Variants in CNTN5 observed in about 807,000 individuals in gnomAD.
CNTN5 encodes contactin 5.
A neutral mutation model predicts 129.1 loss-of-function variants in CNTN5; 77 were observed. The ratio of observed to expected loss-of-function variants is 0.60; its 90% CI spans 0.50 to 0.72. CNTN5 has a LOEUF of 0.72. Among genes scored for constraint, CNTN5 ranks in the 30% least tolerant of loss-of-function variants. The probability of loss-of-function intolerance (pLI) is 0.00; values close to 1 mark genes in which losing one functional copy is unlikely to be tolerated. For synonymous variants in CNTN5, 509 were observed against 465.6 expected (o/e 1.09, Z -1.20); for missense variants, 1,478 against 1,328.8 (o/e 1.11, Z -1.75).
intron 1 of CNTN5, among the ~76,000 whole-genome samples, chr11:99,200,962 CA>C (rs1245199877): frequency 6.7e-6 from 1 of 148,844 alleles, no homozygotes; most frequent in African/African-American, 2.5e-5. Flanking sequence ...ACAACAGCAA[CA>C]AAAAAGTCTA....
intron 6 of CNTN5, among the ~76,000 whole-genome samples, chr11:99,848,473 T>A (rs1300112881): frequency 6.6e-6 from 1 of 152,128 alleles, no homozygotes; most frequent in African/African-American, 2.4e-5. Context: ...TTAATATATT[T>A]AATCGACTGA....
chr11:99,757,881 A>G (rs1944454326), intron 3 of CNTN5, among the ~76,000 whole-genome samples: 1 of 152,076 alleles, frequency 6.6e-6, no homozygotes, highest in African/African-American at 2.4e-5. Flanking sequence ...TTTGTGAATT[A>G]ACCAGAAAGT....
intron 2 of CNTN5, among the ~76,000 whole-genome samples, chr11:99,450,892 G>A (rs1036094585): frequency 2.0e-5 from 3 of 150,854 alleles, no homozygotes; most frequent in Admixed American, 6.7e-5. Flanking sequence ...ACAGAATCTG[G>A]GAATAATGAA....
At chr11:99,198,443 G>T (rs1486695779) in intron 1 of CNTN5, among the ~76,000 whole-genome samples, 1 of 152,110 alleles carries the variant, frequency 6.6e-6, no homozygotes, top group Non-Finnish European at 1.5e-5. Context: ...TGGGGCCAAA[G>T]TTCCAAATGA....
chr11:99,320,902 C>G (rs528937200), intron 1 of CNTN5, among the ~76,000 whole-genome samples: 1 of 152,122 alleles, frequency 6.6e-6, no homozygotes, highest in African/African-American at 2.4e-5. Flanking sequence ...AAGTAGATGG[C>G]TCTCCCTAGT....
At chr11:100,085,134 C>T (rs1944499315) in intron 13 of CNTN5, among the ~76,000 whole-genome samples, 1 of 151,898 alleles carries the variant, frequency 6.6e-6, no homozygotes, top group Admixed American at 6.6e-5. Flanking sequence ...ACGTGGTAAC[C>T]AGTGAGAAAT....
chr11:99,252,929 G>A (rs1862185700), intron 1 of CNTN5, among the ~76,000 whole-genome samples: 1 of 147,638 alleles, frequency 6.8e-6, no homozygotes, highest in Non-Finnish European at 1.5e-5. Flanking sequence ...TTCTTATTAT[G>A]ATGCTATAGC....
At chr11:100,079,215 C>T (rs1944264779) in intron 13 of CNTN5, among the ~76,000 whole-genome samples, 2 of 152,104 alleles carry the variant, frequency 1.3e-5, no homozygotes, top group South Asian at 4.1e-4. Flanking sequence ...GACACAAAGC[C>T]TAACCGTATT....
intron 1 of CNTN5, among the ~76,000 whole-genome samples, chr11:99,206,615 CA>C (rs201966958): frequency 0.015 from 2,155 of 147,902 alleles, 40 homozygotes; most frequent in African/African-American, 0.049. Flanking sequence ...AGTTCTTACC[CA>C]CTTACTACTA....
intron 13 of CNTN5, among the ~76,000 whole-genome samples, chr11:100,172,505 A>T (rs930952138): frequency 4.6e-5 from 7 of 152,056 alleles, no homozygotes; most frequent in Non-Finnish European, 7.4e-5. Context: ...GAGGAAGAGT[A>T]ATGATGTGTG....
chr11:99,847,673 T>C (rs559956503), intron 6 of CNTN5, among the ~76,000 whole-genome samples: 3 of 152,278 alleles, frequency 2.0e-5, no homozygotes, highest in African/African-American at 7.2e-5. Context: ...GTCCCATAGA[T>C]GTAGTTTCAT....
intron 9 of CNTN5, among the ~76,000 whole-genome samples, chr11:100,021,485 A>G (rs986164865): frequency 6.6e-6 from 1 of 152,144 alleles, no homozygotes; most frequent in African/African-American, 2.4e-5. Flanking sequence ...ATATATTTTG[A>G]ATCTCTATTA....
intron 7 of CNTN5, among the ~76,000 whole-genome samples, chr11:99,929,008 C>T (rs764919924): frequency 1.3e-5 from 2 of 152,178 alleles, no homozygotes; most frequent in Non-Finnish European, 2.9e-5. Flanking sequence ...TTAGAAATTT[C>T]TTCTGCCAGG....
chr11:100,119,928 T>C (rs111337404), intron 13 of CNTN5, among the ~76,000 whole-genome samples: 9 of 152,090 alleles, frequency 5.9e-5, no homozygotes, highest in African/African-American at 2.2e-4. Flanking sequence ...CTTCCGTGCC[T>C]TTCTTTACAA....
intron 2 of CNTN5, among the ~76,000 whole-genome samples, chr11:99,488,084 A>G (rs1945885970): frequency 6.7e-6 from 1 of 150,024 alleles, no homozygotes; most frequent in Admixed American, 6.7e-5. Context: ...ATGAAAGATT[A>G]TTTCTTATTT....
At chr11:99,196,933 A>G (rs1591344488) in intron 1 of CNTN5, among the ~76,000 whole-genome samples, 2 of 152,076 alleles carry the variant, frequency 1.3e-5, no homozygotes, top group Middle Eastern at 3.4e-3. Flanking sequence ...AGAGAAAATA[A>G]GAAGCATAGA....
intron 2 of CNTN5, among the ~76,000 whole-genome samples, chr11:99,388,195 C>CACCTG (rs1289928209): frequency 5.9e-5 from 9 of 151,936 alleles, no homozygotes; most frequent in Admixed American, 5.9e-4. Context: ...GCGGGCAGAT[C>CACCTG]ACCTGAGGTC....
intron 7 of CNTN5, among the ~76,000 whole-genome samples, chr11:99,934,441 G>A (rs974213248): frequency 2.0e-5 from 3 of 152,050 alleles, no homozygotes; most frequent in Non-Finnish European, 4.4e-5. Flanking sequence ...GGAGGTCCAC[G>A]TGCACGTGAT....
intron 1 of CNTN5, among the ~76,000 whole-genome samples, chr11:99,181,234 G>C (rs75744068): frequency 0.025 from 3,746 of 152,224 alleles, 75 homozygotes; most frequent in Non-Finnish European, 0.032. Context: ...CCGTCCAAGT[G>C]GGGGCAGGTA....
Sources: gnomAD v4.1 joint callset for allele counts (sites outside exome capture counted in the v4.1 genomes callset) on GRCh38, gnomAD v4.1.1 for gene constraint, MANE v1.5 for transcripts, NCBI Gene and HGNC (gene_info 2026-07-23, HGNC 2026-07-21) for gene names.